The following TUSC3 variants were observed in gnomAD, a reference collection of about 807,000 sequenced individuals.
TUSC3 encodes the protein dolichyl-diphosphooligosaccharide--protein glycosyltransferase subunit TUSC3.
A neutral mutation model predicts 44.8 loss-of-function variants in TUSC3; 45 were observed. The ratio of observed to expected loss-of-function variants is 1.00; its 90% CI spans 0.79 to 1.29. TUSC3 has a LOEUF of 1.29. Among genes scored for constraint, TUSC3 ranks in the 50% most tolerant of loss-of-function variants. The pLI, the probability that TUSC3 is intolerant of heterozygous loss-of-function variation, is 0.00. For synonymous variants in TUSC3, 212 were observed against 152.9 expected (o/e 1.39, Z -2.85); for missense variants, 519 against 437.9 (o/e 1.19, Z -1.65).
chr8:15,753,777 T>C (rs1393693809), intron 9 of TUSC3, among the ~76,000 whole-genome samples: 1 of 152,010 alleles, frequency 6.6e-6, no homozygotes, highest in African/African-American at 2.4e-5. Flanking sequence ...TAGCAGAGAT[T>C]TGGACACACC....
chr8:15,757,906 T>A, intron 10 of TUSC3, 51 bp downstream of exon 10: 1 of 1,453,124 alleles, frequency 6.9e-7, no homozygotes, highest in Non-Finnish European at 9.7e-7. Context: ...TTTTCAAATA[T>A]AGAGAGTATA....
intron 6 of TUSC3, among the ~76,000 whole-genome samples, chr8:15,703,746 C>T (rs1185875252): frequency 6.6e-6 from 1 of 152,058 alleles, no homozygotes; most frequent in Non-Finnish European, 1.5e-5. Context: ...CGGGAGAACT[C>T]ATTCATTACT....
At chr8:15,730,601 C>A in intron 6 of TUSC3, 65 bp from the exon 7 acceptor site, 1 of 1,522,308 alleles carries the variant, frequency 6.6e-7, no homozygotes, top group Non-Finnish European at 9.1e-7. Flanking sequence ...ATCTTCATGA[C>A]TTAAAACTAC....
intron 1 of TUSC3, among the ~76,000 whole-genome samples, chr8:15,605,983 T>C (rs1357769101): frequency 1.3e-5 from 2 of 152,000 alleles, no homozygotes; most frequent in Non-Finnish European, 2.9e-5. Context: ...GTGAGTTGCA[T>C]ATTGCAGTAA....
chr8:15,505,052 C>A (rs1365316695), intron 2 of TUSC3, among the ~76,000 whole-genome samples: 1 of 152,066 alleles, frequency 6.6e-6, no homozygotes, highest in African/African-American at 2.4e-5. Context: ...AATATTGCTG[C>A]CAAATGGCAG....
chr8:15,697,851 A>G (rs1297932697), intron 6 of TUSC3, among the ~76,000 whole-genome samples: 1 of 152,230 alleles, frequency 6.6e-6, no homozygotes, highest in Non-Finnish European at 1.5e-5. Flanking sequence ...TACAATGCAA[A>G]GATTATTATT....
At chr8:15,717,470 T>C (rs1471412840) in intron 6 of TUSC3, among the ~76,000 whole-genome samples, 1 of 152,062 alleles carries the variant, frequency 6.6e-6, no homozygotes, top group Non-Finnish European at 1.5e-5. Flanking sequence ...CCCAATCATA[T>C]CTATCTCCAG....
At chr8:15,670,919 T>C (rs1807917656) in intron 5 of TUSC3, among the ~76,000 whole-genome samples, 1 of 151,872 alleles carries the variant, frequency 6.6e-6, no homozygotes, top group African/African-American at 2.4e-5. Context: ...TCAATTAATA[T>C]ATGAAAAGGT....
intron 2 of TUSC3, among the ~76,000 whole-genome samples, chr8:15,527,450 T>C (rs568210847): frequency 1.4e-4 from 22 of 152,290 alleles, no homozygotes; most frequent in African/African-American, 5.3e-4. Flanking sequence ...CTCCTGACCG[T>C]ACGTGATCCA....
chr8:15,798,205 C>A, the TUSC3 span, among the ~76,000 whole-genome samples: 5 of 152,288 alleles, frequency 3.3e-5, no homozygotes, highest in East Asian at 9.7e-4. Flanking sequence ...TATGTGGAAG[C>A]ATCAACAACA....
the TUSC3 span, among the ~76,000 whole-genome samples, chr8:15,791,730 T>A: frequency 6.6e-6 from 1 of 152,326 alleles, no homozygotes; most frequent in East Asian, 1.9e-4. Flanking sequence ...AAGCTCTGCC[T>A]TTTACGTTGT....
chr8:15,757,758 TATTGTTGTATTTC>T lies in TUSC3; in HGVS notation c.1029-27_1029-15del, dbSNP rs1438479227. 2.0e-6 allele frequency: 3 copies of T among 1,473,808 alleles called. No homozygotes were observed. Among genetic ancestry groups the T allele is most frequent in the Non-Finnish European group, 2.9e-6 (3 of 1,052,474 alleles). The allele number at this position is 1,473,808 out of a possible 1,614,324, so 91.3% of individuals were successfully genotyped here. On this transcript the variant is annotated intron_variant, in intron 9 of 10. Transcript: ENST00000503731. ...TCAATCTTAAGGATTATTTTTTCCA[TATTGTTGTATTTC>T]ATTGTGGTGTATTGGAAAGTGATCT... is the stretch of plus-strand genomic sequence containing the variant.
chr8:15,667,140 A>G (rs1446797693), intron 5 of TUSC3, among the ~76,000 whole-genome samples: 1 of 151,562 alleles, frequency 6.6e-6, no homozygotes, highest in Non-Finnish European at 1.5e-5. Context: ...CCTTAATCCA[A>G]CTCAATAGTG....
At chr8:15,642,313 A>G (rs1367414142) in intron 2 of TUSC3, among the ~76,000 whole-genome samples, 3 of 152,308 alleles carry the variant, frequency 2.0e-5, no homozygotes, top group African/African-American at 4.8e-5. Flanking sequence ...TATGCTTTTT[A>G]TTCAATTTTG....
chr8:15,687,531 G>A (rs946519140), intron 6 of TUSC3, among the ~76,000 whole-genome samples: 3 of 151,998 alleles, frequency 2.0e-5, no homozygotes, highest in African/African-American at 7.2e-5. Context: ...TGTTGTTGCC[G>A]CTCATTCCTT....
chr8:15,588,221 T>A (rs1803676463), intron 1 of TUSC3, among the ~76,000 whole-genome samples: 1 of 152,074 alleles, frequency 6.6e-6, no homozygotes, highest in African/African-American at 2.4e-5. Context: ...TCCTCATCAG[T>A]ATTTCTTATT....
rs188018698 is a variant in TUSC3, at chr8:15,745,000, A to G, written c.937+1388A>G. Among the ~76,000 whole-genome samples, 26 of 152,192 alleles carry G rather than the reference A, an allele frequency of 1.7e-4. No individual in the cohort carries two copies. The East Asian group carries it at 3.7e-3, about 22-fold the overall frequency. On this transcript the variant is annotated intron_variant, in intron 8 of 10. Coordinates refer to ENST00000503731, the MANE Select transcript of TUSC3 (RefSeq NM_006765.4). ...TGTTCTCATCTTTATGTTCATATGT[A>G]CACAATGTTTAGCTCCCACTTACAA...
intron 2 of TUSC3, among the ~76,000 whole-genome samples, chr8:15,630,302 T>C (rs1251854691): frequency 6.6e-6 from 1 of 152,098 alleles, no homozygotes; most frequent in African/African-American, 2.4e-5. Flanking sequence ...AATGAAGAAT[T>C]GATAAATTAC....
intron 5 of TUSC3, among the ~76,000 whole-genome samples, chr8:15,666,700 A>G (rs1017424589): frequency 6.6e-6 from 1 of 151,310 alleles, no homozygotes; most frequent in Admixed American, 6.6e-5. Context: ...TTTTCTCTTT[A>G]AAAATGAGAA....
Sources: allele counts gnomAD v4.1 joint callset (sites outside exome capture counted in the v4.1 genomes callset), GRCh38; gene constraint gnomAD v4.1.1; transcripts MANE v1.5; gene names NCBI Gene and HGNC (gene_info 2026-07-23, HGNC 2026-07-21).